The following KCTD8 variants were observed in gnomAD, a reference collection of about 807,000 sequenced individuals.
The protein encoded by KCTD8 is potassium channel tetramerization domain containing 8.
Under a neutral mutation model 31.5 loss-of-function variants are expected in KCTD8, and 27 were observed. That is an observed-to-expected ratio of 0.86 (90% CI 0.63 to 1.18). The LOEUF (loss-of-function observed/expected upper bound fraction) is 1.18. KCTD8 is among the 50% of genes most tolerant of loss of function. The pLI is 0.00. For synonymous variants in KCTD8, 290 were observed against 280.0 expected (o/e 1.04, Z -0.36); for missense variants, 658 against 647.7 (o/e 1.02, Z -0.17).
chr4:44,203,283 A>C (rs1426365789), intron 1 of KCTD8, among the ~76,000 whole-genome samples: 1 of 152,162 alleles, frequency 6.6e-6, no homozygotes, highest in Non-Finnish European at 1.5e-5. Flanking sequence ...TGGGTTGATC[A>C]CCTGAGGTCA....
chr4:44,360,676 A>G (rs758305800), intron 1 of KCTD8, among the ~76,000 whole-genome samples: 2 of 152,062 alleles, frequency 1.3e-5, no homozygotes, highest in Non-Finnish European at 2.9e-5. Context: ...GAAATCCTCA[A>G]GAGATGCTTT....
At chr4:44,221,335 GTGTGTGTGTGCA>G (rs1714800773) in intron 1 of KCTD8, among the ~76,000 whole-genome samples, 1 of 145,400 alleles carries the variant, frequency 6.9e-6, no homozygotes, top group Non-Finnish European at 1.5e-5. Flanking sequence ...CATCAGGTGT[GTGTGTGTGTGCA>G]TGTGTGTGTG....
At chr4:44,183,645 T>G (rs1408449079) in intron 1 of KCTD8, among the ~76,000 whole-genome samples, 2 of 152,324 alleles carry the variant, frequency 1.3e-5, no homozygotes, top group East Asian at 3.9e-4. Context: ...GCTGCATGAT[T>G]TCTGGGTAGT....
intron 1 of KCTD8, among the ~76,000 whole-genome samples, chr4:44,194,989 G>A (rs1577823440): frequency 6.6e-6 from 1 of 150,848 alleles, no homozygotes; most frequent in Non-Finnish European, 1.5e-5. Context: ...CCAAGTAGCT[G>A]GGATTACAGG....
At chr4:44,435,871 G>A (rs988283519) in intron 1 of KCTD8, among the ~76,000 whole-genome samples, 4 of 152,016 alleles carry the variant, frequency 2.6e-5, no homozygotes, top group Non-Finnish European at 4.4e-5. Flanking sequence ...CTCCCACTGT[G>A]AAAACTGGCT....
intron 1 of KCTD8, among the ~76,000 whole-genome samples, chr4:44,295,166 C>G (rs1717392182): frequency 6.6e-6 from 1 of 152,022 alleles, no homozygotes; most frequent in Non-Finnish European, 1.5e-5. Context: ...CATGCTGGCA[C>G]ACGATTGTAG....
At chr4:44,396,695 A>G (rs1160227843) in intron 1 of KCTD8, among the ~76,000 whole-genome samples, 1 of 152,136 alleles carries the variant, frequency 6.6e-6, no homozygotes, top group Non-Finnish European at 1.5e-5. Context: ...TATCTGCACC[A>G]GAATTCATTA....
chr4:44,412,882 AAG>A (rs1429096323), intron 1 of KCTD8, among the ~76,000 whole-genome samples: 1 of 152,048 alleles, frequency 6.6e-6, no homozygotes, highest in African/African-American at 2.4e-5. Flanking sequence ...CAGTTATTCA[AAG>A]AGTCGTTCCA....
In KCTD8 at chr4:44,406,735, T is replaced by C. The variant is rs561152480; in HGVS notation, c.961+40828A>G. Among the ~76,000 whole-genome samples, 6 of 152,268 alleles carry C rather than the reference T, an allele frequency of 3.9e-5. No individual in the cohort carries two copies. In the South Asian group the frequency reaches 1.2e-3, roughly 32 times the overall value. ...GAATGACAACCTTGACCAAAAAAAT[T>C]AGATAAAGTTGAAATAACATTTTGG... On this transcript the variant is annotated intron_variant, in intron 1 of 1. Transcript: ENST00000360029.
intron 1 of KCTD8, among the ~76,000 whole-genome samples, chr4:44,444,678 C>T (rs574960041): frequency 1.3e-5 from 2 of 151,308 alleles, no homozygotes; most frequent in African/African-American, 4.9e-5. Flanking sequence ...AGACAGAGAA[C>T]AAGTAAATAA....
intron 1 of KCTD8, among the ~76,000 whole-genome samples, chr4:44,210,956 T>A (rs936278901): frequency 1.3e-5 from 2 of 152,146 alleles, no homozygotes; most frequent in Non-Finnish European, 1.5e-5. Context: ...AGAGAGGAAG[T>A]TCACCAGTCC....
chr4:44,230,274 T>C (rs2109352169), intron 1 of KCTD8, among the ~76,000 whole-genome samples: 1 of 152,342 alleles, frequency 6.6e-6, no homozygotes, highest in South Asian at 2.1e-4. Context: ...TATTCATTCC[T>C]ATATAGTTGA....
At chr4:44,206,550 C>T (rs138982722) in intron 1 of KCTD8, among the ~76,000 whole-genome samples, 10 of 152,270 alleles carry the variant, frequency 6.6e-5, no homozygotes, top group African/African-American at 2.4e-4. Flanking sequence ...TATCCAGTGA[C>T]CCAAGGGCTG....
intron 1 of KCTD8, among the ~76,000 whole-genome samples, chr4:44,432,002 G>A (rs1220639382): frequency 1.3e-5 from 2 of 151,420 alleles, no homozygotes; most frequent in Non-Finnish European, 3.0e-5. Flanking sequence ...CTGCTTTTAC[G>A]TGTTCTTCTC....
chr4:44,182,490 C>T (rs529189204), intron 1 of KCTD8, among the ~76,000 whole-genome samples: 5 of 152,174 alleles, frequency 3.3e-5, no homozygotes, highest in African/African-American at 1.2e-4. Flanking sequence ...GACCTTACCC[C>T]CAACCATGCA....
chr4:44,235,479 T>C, intron 1 of KCTD8, among the ~76,000 whole-genome samples: 1 of 132,874 alleles, frequency 7.5e-6, no homozygotes, highest in Non-Finnish European at 1.6e-5. Context: ...AGAGAGAGAC[T>C]GGATGACTGG....
chr4:44,362,667 A>G (rs750223156), intron 1 of KCTD8, among the ~76,000 whole-genome samples: 10 of 152,056 alleles, frequency 6.6e-5, no homozygotes, highest in African/African-American at 9.7e-5. Context: ...GAAAATAAAT[A>G]TTTCAAATGA....
intron 1 of KCTD8, among the ~76,000 whole-genome samples, chr4:44,245,194 C>G (rs1205442445): frequency 6.6e-6 from 1 of 151,960 alleles, no homozygotes; most frequent in Non-Finnish European, 1.5e-5. Context: ...ATGAAAATAG[C>G]AAATAGTAAA....
chr4:44,281,915 G>T (rs1446586231), intron 1 of KCTD8, among the ~76,000 whole-genome samples: 2 of 151,974 alleles, frequency 1.3e-5, no homozygotes, highest in African/African-American at 4.8e-5. Context: ...TCTAGTTCTA[G>T]GACTCTATTT....
Sources: allele counts gnomAD v4.1 joint callset (sites outside exome capture counted in the v4.1 genomes callset), GRCh38; gene constraint gnomAD v4.1.1; transcripts MANE v1.5; gene names NCBI Gene and HGNC (gene_info 2026-07-23, HGNC 2026-07-21).